Variants in ATL1 observed in about 807,000 individuals in gnomAD.
ATL1 encodes the protein atlastin-1.
ATL1 carries 31 observed loss-of-function variants against 75.5 expected under a neutral mutation model. The ratio of observed to expected loss-of-function variants is 0.41; its 90% CI spans 0.31 to 0.55. The LOEUF is 0.55. Ranked by LOEUF, ATL1 falls within the 20% of genes least tolerant of loss-of-function variation. ATL1 has a pLI of 0.27. For synonymous variants in ATL1, 226 were observed against 233.3 expected, an observed-to-expected ratio of 0.97 and a Z score of 0.28; for missense variants, 405 against 662.6, an observed-to-expected ratio of 0.61 and a Z score of 4.27.
At chr14:50,547,046 G>A (rs2038642562) in intron 1 of ATL1, among the ~76,000 whole-genome samples, 1 of 152,024 alleles carries the variant, frequency 6.6e-6, no homozygotes, top group Non-Finnish European at 1.5e-5. Context: ...GTTGAACAAA[G>A]AGAACACATG....
intron 4 of ATL1, among the ~76,000 whole-genome samples, chr14:50,593,591 A>G (rs2039184001): frequency 6.6e-6 from 1 of 152,230 alleles, no homozygotes; most frequent in African/African-American, 2.4e-5. Flanking sequence ...TTAGGTTCAT[A>G]AAATAATTTT....
chr14:50,612,155 A>G (rs2140224951), intron 6 of ATL1, among the ~76,000 whole-genome samples: 1 of 152,296 alleles, frequency 6.6e-6, no homozygotes, highest in East Asian at 1.9e-4. Flanking sequence ...AAAAGAATAT[A>G]TCATGTATCA....
At chr14:50,585,209 A>G (rs2039090558) in intron 1 of ATL1, among the ~76,000 whole-genome samples, 3 of 152,236 alleles carry the variant, frequency 2.0e-5, no homozygotes, top group Admixed American at 2.0e-4. Flanking sequence ...AGCCACTTAG[A>G]AAAAGACAAT....
At chr14:50,572,104 T>C in intron 1 of ATL1, 1 of 477,074 alleles carries the variant, frequency 2.1e-6, no homozygotes, top group Non-Finnish European at 4.0e-6. Context: ...TTCTTGTCCA[T>C]AAATTTTTTT....
intron 1 of ATL1, among the ~76,000 whole-genome samples, chr14:50,540,519 C>T (rs923356841): frequency 6.6e-6 from 1 of 152,164 alleles, no homozygotes; most frequent in African/African-American, 2.4e-5. Flanking sequence ...TCCAGAGGTA[C>T]TTGTAGCCTT....
At chr14:50,534,622 C>G (rs1200518270) in intron 1 of ATL1, among the ~76,000 whole-genome samples, 2 of 152,254 alleles carry the variant, frequency 1.3e-5, no homozygotes, top group South Asian at 2.1e-4. Flanking sequence ...ATGGCAGATC[C>G]ATATGCTTTG....
At chr14:50,629,872 T>C in intron 12 of ATL1, 123 bp from the exon 13 acceptor site, 1 of 546,978 alleles carries the variant, frequency 1.8e-6, no homozygotes, top group Admixed American at 4.7e-5. Flanking sequence ...AACTGAAAAA[T>C]CTGCAGGAGT....
intron 1 of ATL1, among the ~76,000 whole-genome samples, chr14:50,546,956 T>C (rs1322504688): frequency 6.6e-6 from 1 of 152,130 alleles, no homozygotes; most frequent in Non-Finnish European, 1.5e-5. Flanking sequence ...TCATCTACAT[T>C]AGGTATTTCT....
intron 1 of ATL1, among the ~76,000 whole-genome samples, chr14:50,574,971 A>ATCTATATATATATATC (rs1555363084): frequency 3.9e-5 from 5 of 129,596 alleles, no homozygotes; most frequent in African/African-American, 1.5e-4. Flanking sequence ...ATATATATAT[A>ATCTATATATATATATC]TATATTAGCT....
chr14:50,545,021 G>C (rs1313314876), intron 1 of ATL1, among the ~76,000 whole-genome samples: 1 of 151,230 alleles, frequency 6.6e-6, no homozygotes, highest in African/African-American at 2.4e-5. Flanking sequence ...TGTGTCCACT[G>C]CTTGAACTCG....
intron 12 of ATL1, among the ~76,000 whole-genome samples, chr14:50,629,473 C>T (rs1038762377): frequency 1.3e-5 from 2 of 150,340 alleles, no homozygotes; most frequent in African/African-American, 4.9e-5. Context: ...CCCAGCTACT[C>T]GGGAGGCTGA....
chr14:50,590,743 A>T (rs935144674), intron 2 of ATL1, among the ~76,000 whole-genome samples, 198 bp from the exon 3 acceptor site: 3 of 152,162 alleles, frequency 2.0e-5, no homozygotes, highest in African/African-American at 7.2e-5. Flanking sequence ...TATCCCCAGG[A>T]CATATCAAAA....
At chr14:50,623,493 G>T (rs369297190) in intron 11 of ATL1, among the ~76,000 whole-genome samples, 3 of 151,436 alleles carry the variant, frequency 2.0e-5, no homozygotes, top group African/African-American at 7.3e-5. Context: ...TCACATATTT[G>T]GGGGGAGCGC....
chr14:50,616,756 A>T (rs1387489622), intron 8 of ATL1, among the ~76,000 whole-genome samples: 1 of 152,222 alleles, frequency 6.6e-6, no homozygotes, highest in African/African-American at 2.4e-5. Flanking sequence ...TTCAATTTCC[A>T]TAAAAGTTCC....
intron 1 of ATL1, among the ~76,000 whole-genome samples, chr14:50,536,709 G>T (rs1448658617): frequency 6.6e-6 from 1 of 152,212 alleles, no homozygotes; most frequent in Non-Finnish European, 1.5e-5. Flanking sequence ...CTGGAGCAAA[G>T]GTGACTTTTG....
At chr14:50,625,343 T>A (rs1246145292) in intron 11 of ATL1, among the ~76,000 whole-genome samples, 1 of 152,174 alleles carries the variant, frequency 6.6e-6, no homozygotes, top group African/African-American at 2.4e-5. Context: ...CTCCGTAACA[T>A]AAAGTGCAAG....
At chr14:50,590,826 G>A (rs2039148765) in intron 2 of ATL1, 115 bp from the exon 3 acceptor site, 4 of 1,043,848 alleles carry the variant, frequency 3.8e-6, no homozygotes, top group Non-Finnish European at 4.3e-6. Context: ...CAATAGATGT[G>A]CATATGTTGT....
At chr14:50,545,826 C>T (rs1303246960) in intron 1 of ATL1, among the ~76,000 whole-genome samples, 1 of 152,146 alleles carries the variant, frequency 6.6e-6, no homozygotes, top group East Asian at 1.9e-4. Context: ...TTCTAGGACG[C>T]CAGCTGGTTA....
intron 1 of ATL1, among the ~76,000 whole-genome samples, chr14:50,566,294 G>T (rs2038903425): frequency 6.6e-6 from 1 of 152,030 alleles, no homozygotes; most frequent in South Asian, 2.1e-4. Context: ...CACTGCACCC[G>T]GCCAGGACAA....
Sources: allele counts gnomAD v4.1 joint callset (sites outside exome capture counted in the v4.1 genomes callset), GRCh38; gene constraint gnomAD v4.1.1; transcripts MANE v1.5; gene names NCBI Gene and HGNC (gene_info 2026-07-23, HGNC 2026-07-21).